ZFYVE26: variants seen among roughly 807,000 people sequenced by gnomAD.
ZFYVE26 encodes zinc finger FYVE-type containing 26.
Under a neutral mutation model 276.5 loss-of-function variants are expected in ZFYVE26, and 181 were observed. The ratio of observed to expected loss-of-function variants is 0.65; its 90% CI spans 0.58 to 0.74. The LOEUF (loss-of-function observed/expected upper bound fraction) is 0.74, where lower values mean the gene tolerates loss of function less well. Ranked by LOEUF, ZFYVE26 falls within the 30% of genes least tolerant of loss-of-function variation. The pLI, the probability that ZFYVE26 is intolerant of heterozygous loss-of-function variation, is 0.00. For missense variants in ZFYVE26, 2,821 were observed against 3,097.9 expected (o/e 0.91, Z 2.12); for synonymous variants, 1,129 against 1,203.1 (o/e 0.94, Z 1.27).
rs756532564 is a variant in ZFYVE26, at chr14:67,783,458, A to G, written c.3694T>C (p.Cys1232Arg). Residue 1232 changes from cysteine to arginine, a missense_variant, in exon 21 of 42, where the codon TGT becomes CGT. Cys to Arg is a radical substitution (Grantham distance 180). Coordinates refer to ENST00000347230, the MANE Select transcript of ZFYVE26 (RefSeq NM_015346.4). ...SVPQVIVSCC[C>R]EPLALCSSRQ... The stretch of plus-strand genomic sequence containing the variant: ...GATGAGCAAAGAGCAAGGGGCTCAC[A>G]GCAGCAGCTGACGATGACCTGTGGC... 3 of 1,614,108 alleles carry G rather than the reference A, an allele frequency of 1.9e-6. No homozygotes were observed. Among genetic ancestry groups the G allele is most frequent in the African/African-American group, 1.3e-5 (1 of 75,054 alleles).
At position 67,754,085 on chromosome 14, in the gene ZFYVE26, C is replaced by T. The variant is rs779243390; in HGVS notation, c.7114G>A (p.Asp2372Asn). The T allele has an allele frequency of 6.2e-7, 1 of 1,614,214 alleles. No individual in the cohort carries two copies. The highest frequency in any genetic ancestry group is 8.5e-7 in the Non-Finnish European group (1 of 1,180,038). Residue 2372 changes from aspartate (D) to asparagine (N), a missense_variant, in exon 38 of 42, where the codon GAT (aspartate) becomes AAT (asparagine). Transcript: ENST00000347230. ...TLFGNNHMKM[D>N]VACKVMLGGK... is the part of the protein sequence containing the mutation. ...GCTGCATGTACCTTGCAGGCAACAT[C>T]CATTTTCATGTGGTTATTTCCAAAC...
At chr14:67,761,915 C>T (rs1326267473) in intron 34 of ZFYVE26, 1 of 554,440 alleles carries the variant, frequency 1.8e-6, no homozygotes, top group African/African-American at 1.9e-5. Context: ...AGAAAATTCA[C>T]CAGAATTTTA....
chr14:67,781,320 C>A lies in ZFYVE26; in HGVS notation c.4569+13G>T. 2 of 1,613,836 alleles carry A rather than the reference C, an allele frequency of 1.2e-6. No individual in the cohort carries two copies. The highest frequency in any genetic ancestry group is 1.7e-6 in the Non-Finnish European group (2 of 1,179,940). On this transcript the variant is annotated intron_variant, in intron 22 of 41. Coordinates refer to ENST00000347230, the MANE Select transcript of ZFYVE26 (RefSeq NM_015346.4). ...GAAGCCCGTTCCCTTTCTCTTGATG[C>A]GAGGGCCCATACCTTCTGATACACC...
intron 2 of ZFYVE26, among the ~76,000 whole-genome samples, chr14:67,814,965 C>T (rs775223585): frequency 2.6e-5 from 4 of 152,146 alleles, no homozygotes; most frequent in Middle Eastern, 3.2e-3. Context: ...CATTTGACTC[C>T]TACATCACCA....
intron 27 of ZFYVE26, 85 bp from the exon 28 acceptor site, chr14:67,772,295 T>C: frequency 6.9e-7 from 1 of 1,442,738 alleles, no homozygotes; most frequent in African/African-American, 1.4e-5. Context: ...ATTTTACCAT[T>C]TTACAAACCG....
At chr14:67,800,568 G>A (rs1465786632) in intron 10 of ZFYVE26, among the ~76,000 whole-genome samples, 1 of 152,118 alleles carries the variant, frequency 6.6e-6, no homozygotes, top group Non-Finnish European at 1.5e-5. Context: ...GCCCCTTTCT[G>A]ACTGTCTAAC....
intron 10 of ZFYVE26, chr14:67,799,126 C>A: frequency 7.1e-7 from 1 of 1,415,364 alleles, no homozygotes; most frequent in Middle Eastern, 2.1e-4. Flanking sequence ...AGGAGGCGTA[C>A]TGGCGGCTAC....
chr14:67,798,047 T>A lies in ZFYVE26; in HGVS notation c.2215A>T (p.Arg739Ter). The change falls in exon 11 of 42, where the codon AGA becomes TGA. Residue 739 changes from arginine (R) to a stop codon, truncating the protein, a stop_gained. Transcript: ENST00000347230. LOFTEE classifies it high-confidence loss of function. ...TGGTTGCTTGTCACCACCTTGTGTC[T>A]CCACTGGGCCTCAGAGACAACCTTG... ...LSKVVSEAQWRHKVVTSNHRS... is the reference protein window; with the variant it reads ...LSKVVSEAQW 1 of 1,614,168 alleles carries A rather than the reference T, an allele frequency of 6.2e-7. No homozygotes were observed. The highest frequency in any genetic ancestry group is 8.5e-7 in the Non-Finnish European group (1 of 1,180,030).
At chr14:67,755,570 G>T (rs923031138) in intron 36 of ZFYVE26, among the ~76,000 whole-genome samples, 2 of 152,128 alleles carry the variant, frequency 1.3e-5, no homozygotes, top group African/African-American at 4.8e-5. Context: ...ACTATCCTCA[G>T]GCAGATTGGG....
intron 29 of ZFYVE26, 51 bp downstream of exon 29, chr14:67,769,543 G>A (rs753037266): frequency 1.6e-5 from 25 of 1,610,902 alleles, no homozygotes; most frequent in East Asian, 8.9e-5. Context: ...AGGGACCTGC[G>A]GAAGGGTGCA....
rs767202341 is a variant in ZFYVE26, at chr14:67,767,746, C to G, written c.5748G>C (p.Glu1916Asp). 1.2e-6 allele frequency: 2 copies of G among 1,614,168 alleles called. No homozygotes were observed. Among genetic ancestry groups the G allele is most frequent in the Non-Finnish European group, 1.7e-6 (2 of 1,180,050 alleles). ...CACTCCGCACCAGCTCATTTTCCTC[C>G]TCTTTGAGATCCAAAATCCATTCCA... ...DEVEWILDLK[E>D]EENELVRSEF... Residue 1916 changes from glutamate (E) to aspartate (D), a missense_variant, in exon 31 of 42, where the codon GAG becomes GAC. Physicochemically the swap from Glu to Asp is conservative, Grantham distance 45. Coordinates refer to ENST00000347230, the MANE Select transcript of ZFYVE26 (RefSeq NM_015346.4).
chr14:67,768,901 A>G (rs975978934), intron 29 of ZFYVE26, among the ~76,000 whole-genome samples: 3 of 152,242 alleles, frequency 2.0e-5, no homozygotes, highest in African/African-American at 7.2e-5. Flanking sequence ...ATGGAGGAGA[A>G]TAGAAAATCT....
At position 67,805,569 on chromosome 14, in the gene ZFYVE26, C is replaced by A. The variant is rs764841749; in HGVS notation, c.1067G>T (p.Cys356Phe). ...LKEEDFPNLG[C>F]LLDREFRPLS... ...GGGCCTGAATTCTCTATCAAGTAGG[C>A]AGCCAAGATTTGGGAAGTCTTCTTC... Residue 356 changes from cysteine to phenylalanine, a missense_variant, in exon 7 of 42, where the codon TGC (cysteine) becomes TTC (phenylalanine). Physicochemically the swap from Cys to Phe is radical, Grantham distance 205. Coordinates refer to ENST00000347230, the MANE Select transcript of ZFYVE26 (RefSeq NM_015346.4). 7.2e-5 allele frequency: 116 copies of A among 1,614,090 alleles called. No individual in the cohort carries two copies. Among genetic ancestry groups the A allele is most frequent in the Non-Finnish European group, 9.7e-5 (115 of 1,180,054 alleles).
At chr14:67,784,660 A>G (rs1381724762) in intron 19 of ZFYVE26, among the ~76,000 whole-genome samples, 1 of 152,230 alleles carries the variant, frequency 6.6e-6, no homozygotes, top group African/African-American at 2.4e-5. Context: ...GACGAACTTC[A>G]GTGGGCAGAT....
intron 10 of ZFYVE26, chr14:67,799,566 A>G (rs969997387): frequency 2.5e-5 from 38 of 1,525,112 alleles, no homozygotes; most frequent in Non-Finnish European, 3.4e-5. Flanking sequence ...AAGTCTTCCA[A>G]AGGAGGAGGG....
chr14:67,754,443 C>T (rs1225079632), intron 37 of ZFYVE26, among the ~76,000 whole-genome samples: 1 of 152,148 alleles, frequency 6.6e-6, no homozygotes, highest in Non-Finnish European at 1.5e-5. Context: ...AGATAGGGTC[C>T]AGTCATTGAA....
intron 28 of ZFYVE26, chr14:67,770,082 T>G (rs1166552427): frequency 3.1e-6 from 1 of 323,290 alleles, no homozygotes; most frequent in Non-Finnish European, 6.0e-6. Context: ...ATGACAATGA[T>G]TAAAAAGTAT....
chr14:67,736,661 G>A (rs895884057), intron 13 of ZFYVE26, among the ~76,000 whole-genome samples: 12 of 152,310 alleles, frequency 7.9e-5, no homozygotes, highest in Non-Finnish European at 1.2e-4. Context: ...CTCAAACAAA[G>A]TTCAAAGTCA....
At chr14:67,754,727 T>C (rs1316525114) in intron 37 of ZFYVE26, among the ~76,000 whole-genome samples, 1 of 152,176 alleles carries the variant, frequency 6.6e-6, no homozygotes, top group African/African-American at 2.4e-5. Flanking sequence ...CAGGGATCGA[T>C]GCTTAGCAAG....
Sources: gnomAD v4.1 joint callset for allele counts (sites outside exome capture counted in the v4.1 genomes callset) on GRCh38, gnomAD v4.1.1 for gene constraint, MANE v1.5 for transcripts, NCBI Gene and HGNC (gene_info 2026-07-23, HGNC 2026-07-21) for gene names.